The following ADK variants were observed in gnomAD, a reference collection of about 807,000 sequenced individuals.
The protein encoded by ADK is adenosine kinase.
In ADK, 24 loss-of-function variants were observed where a neutral mutation model predicts 44.7. The ratio of observed to expected loss-of-function variants is 0.54; its 90% CI spans 0.39 to 0.76. ADK has a LOEUF of 0.76. ADK is among the 30% of genes least tolerant of loss of function. The pLI is 0.00. For missense variants in ADK, 321 were observed against 425.1 expected (o/e 0.76, Z 2.15); for synonymous variants, 128 against 142.6 (o/e 0.90, Z 0.73).
intron 3 of ADK, among the ~76,000 whole-genome samples, chr10:74,230,093 T>C (rs995588159): frequency 6.0e-5 from 9 of 150,244 alleles, no homozygotes; most frequent in African/African-American, 2.0e-4. Flanking sequence ...ACTGGATATC[T>C]GTAAAGCTAA....
chr10:74,524,094 T>C (rs1252588548), intron 6 of ADK, among the ~76,000 whole-genome samples: 2 of 152,176 alleles, frequency 1.3e-5, no homozygotes, highest in African/African-American at 2.4e-5. Flanking sequence ...CTTTACTTGT[T>C]TGTGCACCAT....
In ADK at chr10:74,331,921, T is replaced by C. The variant is rs187604643; in HGVS notation, c.273+17176T>C. ...AGGCTGAAGCTCAGTGTTTGCGATC[T>C]TGGCTCACTGCAAACTCTGCCTTCT... On this transcript the variant is annotated intron_variant, in intron 4 of 10. Transcript: ENST00000539909. Among the ~76,000 whole-genome samples the C allele has an allele frequency of 2.1e-3, 325 of 152,360 alleles. 2 individuals carry two copies. Among genetic ancestry groups the C allele is most frequent in the Non-Finnish European group, 2.8e-3 (191 of 68,032 alleles).
At chr10:74,514,730 T>C (rs1327643027) in intron 6 of ADK, among the ~76,000 whole-genome samples, 2 of 152,136 alleles carry the variant, frequency 1.3e-5, no homozygotes, top group African/African-American at 4.8e-5. Context: ...ATTATTTTGA[T>C]TTTTTTCCCA....
chr10:74,208,051 A>T (rs1843667115), intron 2 of ADK, among the ~76,000 whole-genome samples: 1 of 152,208 alleles, frequency 6.6e-6, no homozygotes, highest in Non-Finnish European at 1.5e-5. Context: ...GCACATGCAC[A>T]CCTGCTGGGT....
At chr10:74,375,687 C>T (rs1842797988) in intron 4 of ADK, among the ~76,000 whole-genome samples, 1 of 152,068 alleles carries the variant, frequency 6.6e-6, no homozygotes, top group South Asian at 2.1e-4. Context: ...CTCAGCAGCA[C>T]CAGGAGAGTG....
At chr10:74,455,669 C>A (rs1245702145) in intron 6 of ADK, among the ~76,000 whole-genome samples, 1 of 152,060 alleles carries the variant, frequency 6.6e-6, no homozygotes, top group Non-Finnish European at 1.5e-5. Context: ...GCCACCACGC[C>A]CAGCTAATTT....
chr10:74,316,571 A>G (rs1189253158), intron 4 of ADK, among the ~76,000 whole-genome samples: 1 of 152,212 alleles, frequency 6.6e-6, no homozygotes, highest in African/African-American at 2.4e-5. Flanking sequence ...CCTTGTAAAG[A>G]AGATGCCTTT....
At chr10:74,618,489 A>G (rs1311090763) in intron 9 of ADK, among the ~76,000 whole-genome samples, 1 of 151,944 alleles carries the variant, frequency 6.6e-6, no homozygotes, top group Non-Finnish European at 1.5e-5. Context: ...CAGTTTTGCC[A>G]TGTTGGCCAG....
chr10:74,669,063 G>C (rs1855076427), intron 9 of ADK, among the ~76,000 whole-genome samples: 1 of 151,616 alleles, frequency 6.6e-6, no homozygotes, highest in Admixed American at 6.6e-5. Flanking sequence ...TTTTAAAAAA[G>C]ATTGACTAAG....
chr10:74,481,831 C>A (rs538206987), intron 6 of ADK, among the ~76,000 whole-genome samples: 2 of 152,278 alleles, frequency 1.3e-5, no homozygotes, highest in East Asian at 3.9e-4. Flanking sequence ...GTATTTCATA[C>A]TATGAAGAAT....
intron 10 of ADK, among the ~76,000 whole-genome samples, chr10:74,704,793 T>C (rs1334672447): frequency 6.6e-6 from 1 of 152,254 alleles, no homozygotes; most frequent in East Asian, 1.9e-4. Flanking sequence ...AGGCGTCTAA[T>C]AGACATGTTT....
chr10:74,623,002 C>T (rs1266240097), intron 9 of ADK, among the ~76,000 whole-genome samples: 1 of 152,028 alleles, frequency 6.6e-6, no homozygotes, highest in Non-Finnish European at 1.5e-5. Context: ...AGTGAAACTC[C>T]GTCTCAAAAA....
intron 4 of ADK, among the ~76,000 whole-genome samples, chr10:74,336,883 T>C (rs1331526541): frequency 1.3e-5 from 2 of 152,106 alleles, no homozygotes; most frequent in Non-Finnish European, 2.9e-5. Flanking sequence ...AAGAAAAAAG[T>C]CTGTACCTGT....
Position 74,337,760 on chromosome 10 carries a change from ATT to A in ADK, c.273+23033_273+23034del, listed in dbSNP as rs71475276. ...ATATTGTATATTCCCTCTTCGGATGATTTTTTTTTTTTTTTTTTTGAGTCAGA... is the reference window on the plus strand; with the variant it reads ...ATATTGTATATTCCCTCTTCGGATGATTTTTTTTTTTTTTTTTGAGTCAGA... On this transcript the variant is annotated intron_variant, in intron 4 of 10. Transcript: ENST00000539909. 1.7e-3 allele frequency among the ~76,000 whole-genome samples: 227 copies of A among 130,062 alleles called. 2 individuals are homozygous for A. The highest frequency in any genetic ancestry group is 3.1e-3 in the East Asian group (14 of 4,480). 85.3% of individuals were successfully genotyped at this position (130,062 alleles called of 152,430 possible).
intron 4 of ADK, among the ~76,000 whole-genome samples, chr10:74,393,055 C>G (rs1175743103): frequency 6.6e-6 from 1 of 152,070 alleles, no homozygotes; most frequent in Non-Finnish European, 1.5e-5. Context: ...GTGGATGAGT[C>G]TGTAGAAGTG....
chr10:74,405,598 C>G (rs1843891975), intron 6 of ADK, among the ~76,000 whole-genome samples: 1 of 151,886 alleles, frequency 6.6e-6, no homozygotes, highest in African/African-American at 2.4e-5. Context: ...GGGTGCAAAT[C>G]CTATTTTGAA....
At chr10:74,419,661 T>G (rs1447717648) in intron 6 of ADK, among the ~76,000 whole-genome samples, 2 of 152,192 alleles carry the variant, frequency 1.3e-5, no homozygotes, top group Non-Finnish European at 2.9e-5. Flanking sequence ...CTATTTTTGC[T>G]ACCCTTGGGC....
At chr10:74,616,727 G>A (rs937043429) in intron 9 of ADK, among the ~76,000 whole-genome samples, 2 of 152,164 alleles carry the variant, frequency 1.3e-5, no homozygotes, top group South Asian at 2.1e-4. Context: ...TCTAGAACTG[G>A]CCTGTTAATT....
At chr10:74,183,690 A>G (rs1471317370) in intron 1 of ADK, among the ~76,000 whole-genome samples, 1 of 150,946 alleles carries the variant, frequency 6.6e-6, no homozygotes, top group East Asian at 2.0e-4. Flanking sequence ...TTGCATTTTT[A>G]GTAGAGATGG....
Sources: allele counts gnomAD v4.1 joint callset (sites outside exome capture counted in the v4.1 genomes callset), GRCh38; gene constraint gnomAD v4.1.1; transcripts MANE v1.5; gene names NCBI Gene and HGNC (gene_info 2026-07-23, HGNC 2026-07-21).